AK5: variants seen among roughly 807,000 people sequenced by gnomAD.
AK5 encodes adenylate kinase 5, also known as adenylate kinase isoenzyme 5.
A neutral mutation model predicts 69.5 loss-of-function variants in AK5; 27 were observed. That is an observed-to-expected ratio of 0.39 (90% CI 0.29 to 0.54). The LOEUF is 0.54. Among genes scored for constraint, AK5 ranks in the 20% least tolerant of loss-of-function variants. The pLI, the probability that AK5 is intolerant of heterozygous loss-of-function variation, is 0.71. For missense variants in AK5, 531 were observed against 700.4 expected (o/e 0.76, Z 2.73); for synonymous variants, 260 against 244.4 (o/e 1.06, Z -0.60).
At chr1:77,300,396 T>G (rs1420343463) in intron 5 of AK5, among the ~76,000 whole-genome samples, 1 of 152,208 alleles carries the variant, frequency 6.6e-6, no homozygotes, top group East Asian at 1.9e-4. Context: ...CTAGAGGTTC[T>G]TTGCCACTGT....
At chr1:77,295,219 C>A (rs1040585787) in intron 3 of AK5, among the ~76,000 whole-genome samples, 5 of 152,116 alleles carry the variant, frequency 3.3e-5, no homozygotes, top group African/African-American at 1.2e-4. Flanking sequence ...AACAGAGTGT[C>A]AAATTTATGG....
At chr1:77,452,891 T>A (rs892351938) in intron 8 of AK5, among the ~76,000 whole-genome samples, 1 of 152,180 alleles carries the variant, frequency 6.6e-6, no homozygotes, top group Non-Finnish European at 1.5e-5. Flanking sequence ...TCATTTGATC[T>A]CATTTTATCT....
In AK5 at chr1:77,511,404, A is replaced by C. The variant is rs182595465; in HGVS notation, c.1148-7160A>C. 7.7e-4 allele frequency among the ~76,000 whole-genome samples: 117 copies of C among 152,380 alleles called. 3 individuals are homozygous for C. In the East Asian group the frequency reaches 0.022, roughly 28 times the overall value. On this transcript the variant is annotated intron_variant, in intron 10 of 13. Coordinates refer to ENST00000354567, the MANE Select transcript of AK5 (RefSeq NM_174858.3). ...CTAAATGGCATAAAGTTTTCCAAAC[A>C]GGATAAAGAAGGATGGAGGGCAAAG...
chr1:77,485,890 G>A, intron 9 of AK5, among the ~76,000 whole-genome samples: 1 of 152,168 alleles, frequency 6.6e-6, no homozygotes. Context: ...GCCAAGGCAG[G>A]TGGATCACTT....
chr1:77,428,288 T>C (rs1651347507), intron 8 of AK5, among the ~76,000 whole-genome samples: 3 of 152,212 alleles, frequency 2.0e-5, no homozygotes, highest in Admixed American at 2.0e-4. Flanking sequence ...ATGTGTGCTG[T>C]TCCTCTTCTC....
At chr1:77,357,400 C>G (rs1377736) in intron 6 of AK5, among the ~76,000 whole-genome samples, 145,525 of 151,550 alleles carry the variant, frequency 0.96, 70,171 homozygotes, top group East Asian at 1. Context: ...TATATATAAA[C>G]CTCTCATATC....
At position 77,340,381 on chromosome 1, in the gene AK5, G is replaced by T. The variant is rs1387533702; in HGVS notation, c.704G>T (p.Cys235Phe). The change falls in exon 6 of 14, where the codon TGT (cysteine) becomes TTT (phenylalanine). Residue 235 changes from cysteine to phenylalanine, a missense_variant. Transcript: ENST00000354567. The stretch of plus-strand genomic sequence containing the variant: ...ATTTGTTGATGCTCTCCACAGATCT[G>T]TACCCCCGATTTGGTGGTATTCCTG... Reference protein sequence around the residue: ...AQALSFEDQICTPDLVVFLAC... With the variant: ...AQALSFEDQIFTPDLVVFLAC... 1 of 1,613,658 alleles carries T rather than the reference G, an allele frequency of 6.2e-7. No homozygotes were observed. The highest frequency in any genetic ancestry group is 2.2e-5 in the East Asian group (1 of 44,880).
intron 10 of AK5, among the ~76,000 whole-genome samples, chr1:77,501,558 G>A (rs558297441): frequency 3.3e-5 from 5 of 152,064 alleles, no homozygotes; most frequent in African/African-American, 4.8e-5. Flanking sequence ...ATAACACCAC[G>A]GTAAGTATTT....
intron 5 of AK5, chr1:77,313,809 TCAGA>T (rs769127001): frequency 9.4e-6 from 5 of 532,748 alleles, no homozygotes; most frequent in African/African-American, 5.8e-5. Flanking sequence ...GCCTACGCCC[TCAGA>T]CAAAGATGCC....
At chr1:77,350,472 A>G (rs1662134173) in intron 6 of AK5, among the ~76,000 whole-genome samples, 2 of 152,238 alleles carry the variant, frequency 1.3e-5, no homozygotes, top group Admixed American at 6.5e-5. Context: ...CAAGGGCCAC[A>G]TTGAAAGGCT....
At chr1:77,500,340 A>G (rs1403689612) in intron 10 of AK5, among the ~76,000 whole-genome samples, 2 of 152,340 alleles carry the variant, frequency 1.3e-5, no homozygotes, top group African/African-American at 2.4e-5. Flanking sequence ...GTTTTAGTCC[A>G]CCATTAGGTA....
intron 8 of AK5, among the ~76,000 whole-genome samples, chr1:77,472,699 AT>A (rs1351733198): frequency 8.0e-6 from 1 of 124,284 alleles, no homozygotes; most frequent in Admixed American, 8.1e-5. Context: ...CCTGGACAAC[AT>A]GGTAAAATAC....
At position 77,558,770 on chromosome 1, in the gene AK5, C is replaced by CACCA. The variant is rs1455527683; in HGVS notation, c.*105_*108dup. The CACCA allele has an allele frequency of 1.3e-6, 1 of 765,254 alleles. No individual in the cohort carries two copies. The highest frequency in any genetic ancestry group is 1.7e-5 in the African/African-American group (1 of 58,786). 47.4% of individuals were successfully genotyped at this position (765,254 alleles called of 1,614,324 possible). On this transcript the variant is annotated 3_prime_UTR_variant, in exon 14 of 14. Coordinates refer to ENST00000354567, the MANE Select transcript of AK5 (RefSeq NM_174858.3). Reference sequence around the variant, plus strand: ...GTTAAACCTTTTGTGTCACCGCCCCCACCAACCACCACCTCCTAAATCCTG... The same window carrying CACCA: ...GTTAAACCTTTTGTGTCACCGCCCCCACCAACCAACCACCACCTCCTAAATCCTG...
intron 5 of AK5, among the ~76,000 whole-genome samples, chr1:77,305,355 C>T (rs1404406183): frequency 6.6e-6 from 1 of 151,946 alleles, no homozygotes; most frequent in Non-Finnish European, 1.5e-5. Context: ...TCCCATTTGT[C>T]CATCTTTTCT....
chr1:77,497,640 T>C (rs911571359), intron 10 of AK5, among the ~76,000 whole-genome samples: 1 of 152,232 alleles, frequency 6.6e-6, no homozygotes, highest in Non-Finnish European at 1.5e-5. Flanking sequence ...CAGGCTGAAG[T>C]GCAGTGGTGC....
intron 8 of AK5, among the ~76,000 whole-genome samples, chr1:77,442,515 C>T (rs896630223): frequency 1.3e-5 from 2 of 152,148 alleles, no homozygotes; most frequent in Non-Finnish European, 2.9e-5. Flanking sequence ...AGAGAAGTTC[C>T]TCCAGGTTCC....
intron 13 of AK5, among the ~76,000 whole-genome samples, chr1:77,549,663 T>G (rs1659723034): frequency 6.6e-6 from 1 of 152,226 alleles, no homozygotes; most frequent in South Asian, 2.1e-4. Context: ...ATTGCTTTAA[T>G]ATTTAGCTCT....
chr1:77,493,578 A>G (rs912679890), intron 10 of AK5, among the ~76,000 whole-genome samples: 1 of 152,076 alleles, frequency 6.6e-6, no homozygotes, highest in Non-Finnish European at 1.5e-5. Flanking sequence ...CCTACAAAAT[A>G]AGTTGCCATC....
At chr1:77,463,570 T>TAAA (rs3077577) in intron 8 of AK5, among the ~76,000 whole-genome samples, 58,487 of 146,906 alleles carry the variant, frequency 0.4, 11,890 homozygotes, top group Middle Eastern at 0.49. Flanking sequence ...TGTTTAGCTT[T>TAAA]AAAAAAAAAA....
Sources: allele counts gnomAD v4.1 joint callset (sites outside exome capture counted in the v4.1 genomes callset), GRCh38; gene constraint gnomAD v4.1.1; transcripts MANE v1.5; gene names NCBI Gene and HGNC (gene_info 2026-07-23, HGNC 2026-07-21).